The following DAB1 variants were observed in gnomAD, a reference collection of about 807,000 sequenced individuals.
DAB1 encodes the protein disabled homolog 1.
Under a neutral mutation model 64.6 loss-of-function variants are expected in DAB1, and 15 were observed. The ratio of observed to expected loss-of-function variants is 0.23; its 90% confidence interval spans 0.16 to 0.36. The LOEUF (loss-of-function observed/expected upper bound fraction) is 0.36, where lower values mean the gene tolerates loss of function less well. Ranked by LOEUF, DAB1 falls within the 10% of genes least tolerant of loss-of-function variation. DAB1 has a pLI of 1.00. For synonymous variants in DAB1, 235 were observed against 251.9 expected, an observed-to-expected ratio of 0.93 and a Z score of 0.64; for missense variants, 596 against 706.7, an observed-to-expected ratio of 0.84 and a Z score of 1.78.
At chr1:58,091,939 C>T (rs1161935267) in intron 5 of DAB1, among the ~76,000 whole-genome samples, 1 of 148,598 alleles carries the variant, frequency 6.7e-6, no homozygotes, top group African/African-American at 2.5e-5. Context: ...GCATTAAACA[C>T]ACACACACAC....
chr1:57,698,013 T>C (rs1489527117), intron 6 of DAB1, among the ~76,000 whole-genome samples: 1 of 152,126 alleles, frequency 6.6e-6, no homozygotes, highest in Non-Finnish European at 1.5e-5. Flanking sequence ...CTTTCCTGTT[T>C]GGTGTATTTT....
At chr1:57,907,610 T>C (rs936217261) in intron 5 of DAB1, among the ~76,000 whole-genome samples, 1 of 152,120 alleles carries the variant, frequency 6.6e-6, no homozygotes. Flanking sequence ...ATAGTAGTGA[T>C]GAGAAATCTG....
intron 1 of DAB1, among the ~76,000 whole-genome samples, chr1:57,295,364 G>C (rs1673108517): frequency 1.3e-5 from 2 of 152,126 alleles, no homozygotes; most frequent in African/African-American, 2.4e-5. Flanking sequence ...CCAAAACCAA[G>C]ACTTTGAGTT....
At chr1:57,439,423 T>TTTTTTTTG (rs1558381316) in intron 7 of DAB1, among the ~76,000 whole-genome samples, 1 of 117,102 alleles carries the variant, frequency 8.5e-6, no homozygotes, top group Non-Finnish European at 1.7e-5. Context: ...ATGAGGTTTT[T>TTTTTTTTG]TCTTTTTTTT....
At chr1:57,436,793 C>T (rs552950468) in intron 7 of DAB1, among the ~76,000 whole-genome samples, 101 of 152,042 alleles carry the variant, frequency 6.6e-4, no homozygotes, top group Non-Finnish European at 1.3e-3. Flanking sequence ...CTTTGGGAGG[C>T]CGAGGCAGGC....
At chr1:58,253,356 A>T (rs1660849634) in intron 4 of DAB1, among the ~76,000 whole-genome samples, 1 of 152,228 alleles carries the variant, frequency 6.6e-6, no homozygotes, top group Non-Finnish European at 1.5e-5. Flanking sequence ...GATTGTTGTT[A>T]ACAAGCCTGA....
chr1:58,313,424 T>C (rs532740414), intron 4 of DAB1, among the ~76,000 whole-genome samples: 1 of 152,170 alleles, frequency 6.6e-6, no homozygotes, highest in South Asian at 2.1e-4. Context: ...CATCCCACAA[T>C]GGCCTAAAGG....
At chr1:58,076,326 G>A (rs531821696) in intron 5 of DAB1, among the ~76,000 whole-genome samples, 1 of 152,300 alleles carries the variant, frequency 6.6e-6, no homozygotes, top group East Asian at 1.9e-4. Context: ...CAGGAGATCA[G>A]AGATGTGCAC....
intron 5 of DAB1, among the ~76,000 whole-genome samples, chr1:58,009,545 T>TTTAC (rs1484874103): frequency 1.3e-5 from 2 of 152,206 alleles, no homozygotes; most frequent in Non-Finnish European, 2.9e-5. Flanking sequence ...AGACCATGCA[T>TTTAC]GTAAAGATCT....
chr1:57,742,964 T>A (rs1405253836), intron 6 of DAB1, among the ~76,000 whole-genome samples: 1 of 152,186 alleles, frequency 6.6e-6, no homozygotes, highest in Non-Finnish European at 1.5e-5. Flanking sequence ...TGTGTGCCGC[T>A]GTATACACAG....
At chr1:57,225,072 T>C (rs980670113) in intron 2 of DAB1, among the ~76,000 whole-genome samples, 1 of 152,128 alleles carries the variant, frequency 6.6e-6, no homozygotes, top group Non-Finnish European at 1.5e-5. Context: ...CCACCCAAGA[T>C]CTTGCCACTC....
At chr1:57,194,630 TTCAC>T (rs1220992248) in intron 2 of DAB1, among the ~76,000 whole-genome samples, 2 of 152,208 alleles carry the variant, frequency 1.3e-5, no homozygotes, top group East Asian at 1.9e-4. Context: ...ATAAAATTCT[TTCAC>T]TCAGCTAGCC....
intron 4 of DAB1, among the ~76,000 whole-genome samples, chr1:58,264,129 C>A (rs1466527009): frequency 6.6e-6 from 1 of 152,212 alleles, no homozygotes; most frequent in African/African-American, 2.4e-5. Flanking sequence ...CTATACTTAC[C>A]AGTAGCCATC....
chr1:57,588,483 G>T (rs1045976579), intron 7 of DAB1, among the ~76,000 whole-genome samples: 6 of 152,082 alleles, frequency 3.9e-5, no homozygotes, highest in African/African-American at 1.4e-4. Flanking sequence ...AAATACCAGA[G>T]AATTAAAATC....
intron 3 of DAB1, among the ~76,000 whole-genome samples, chr1:57,144,699 A>G (rs1658943554): frequency 6.6e-6 from 1 of 150,984 alleles, no homozygotes; most frequent in African/African-American, 2.5e-5. Flanking sequence ...TTCTCAAAAA[A>G]AAAAAAAGAA....
At chr1:57,893,827 T>C (rs1011653046) in intron 5 of DAB1, among the ~76,000 whole-genome samples, 1 of 152,046 alleles carries the variant, frequency 6.6e-6, no homozygotes, top group African/African-American at 2.4e-5. Flanking sequence ...TCTCTATAGA[T>C]AGGAAAAACC....
intron 4 of DAB1, among the ~76,000 whole-genome samples, chr1:58,247,721 C>T (rs899915074): frequency 6.6e-6 from 1 of 151,956 alleles, no homozygotes; most frequent in East Asian, 1.9e-4. Flanking sequence ...CCTCTTAGGG[C>T]TAGTATTTCC....
chr1:57,852,398 A>G (rs1181279400), intron 1 of DAB1, among the ~76,000 whole-genome samples: 1 of 152,174 alleles, frequency 6.6e-6, no homozygotes, highest in Non-Finnish European at 1.5e-5. Flanking sequence ...TACATTCTAA[A>G]CACTCATCTG....
chr1:58,222,757 A>G (rs1177414712), intron 4 of DAB1, among the ~76,000 whole-genome samples: 4 of 152,212 alleles, frequency 2.6e-5, no homozygotes, highest in Admixed American at 2.6e-4. Flanking sequence ...ATGACTATTC[A>G]TGTTATTGTC....
Sources: allele counts gnomAD v4.1 joint callset (sites outside exome capture counted in the v4.1 genomes callset), GRCh38; gene constraint gnomAD v4.1.1; transcripts MANE v1.5; gene names NCBI Gene and HGNC (gene_info 2026-07-23, HGNC 2026-07-21).